The following ASAP1 variants were observed in gnomAD, a reference collection of about 807,000 sequenced individuals.
The protein encoded by ASAP1 is ArfGAP with SH3 domain, ankyrin repeat and PH domain 1, also known as arf-GAP with SH3 domain, ANK repeat and PH domain-containing protein 1.
In ASAP1, 43 loss-of-function variants were observed where a neutral mutation model predicts 145.2. The ratio of observed to expected loss-of-function variants is 0.30; its 90% CI spans 0.23 to 0.38. ASAP1 has a LOEUF of 0.38. ASAP1 is among the 10% of genes least tolerant of loss of function. The probability of loss-of-function intolerance (pLI) is 1.00; values close to 1 mark genes in which losing one functional copy is unlikely to be tolerated. For missense variants in ASAP1, 1,018 were observed against 1,355.3 expected (o/e 0.75, Z 3.91); for synonymous variants, 546 against 515.5 (o/e 1.06, Z -0.80).
At chr8:130,262,258 G>A (rs1001199442) in intron 3 of ASAP1, among the ~76,000 whole-genome samples, 2 of 151,676 alleles carry the variant, frequency 1.3e-5, no homozygotes, top group African/African-American at 4.8e-5. Flanking sequence ...AGCCGGGCAC[G>A]GTGGCAGGAG....
At chr8:130,368,731 G>T (rs1290437817) in intron 2 of ASAP1, among the ~76,000 whole-genome samples, 1 of 152,216 alleles carries the variant, frequency 6.6e-6, no homozygotes, top group Non-Finnish European at 1.5e-5. Flanking sequence ...ACACATCAGA[G>T]AGCTGGCCTA....
intron 3 of ASAP1, among the ~76,000 whole-genome samples, chr8:130,328,734 C>A (rs1824498987): frequency 1.3e-5 from 2 of 152,030 alleles, no homozygotes; most frequent in South Asian, 4.1e-4. Context: ...AATCCTCCCA[C>A]CTCACAGCCT....
chr8:130,394,500 G>A lies in ASAP1; in HGVS notation c.59+7385C>T, dbSNP rs184535983. Among the ~76,000 whole-genome samples the A allele has an allele frequency of 3.7e-3, 564 of 152,190 alleles. 15 individuals are homozygous for A. Among genetic ancestry groups the A allele is most frequent in the South Asian group, 0.035 (169 of 4,814 alleles). ...AAACTTTATTAGCAATTTTAATGTC[G>A]TCCCGGTCCTGTGGTCCTGTGATCT... is the stretch of plus-strand genomic sequence containing the variant. On this transcript the variant is annotated intron_variant, in intron 2 of 29. Transcript: ENST00000518721.
At chr8:130,108,363 A>G (rs1265184151) in intron 24 of ASAP1, among the ~76,000 whole-genome samples, 3 of 152,252 alleles carry the variant, frequency 2.0e-5, no homozygotes, top group Admixed American at 1.3e-4. Flanking sequence ...TCACCTTTCT[A>G]AACGCTTAAA....
chr8:130,442,697 C>A (rs1290254861), intron 1 of ASAP1, among the ~76,000 whole-genome samples: 2 of 152,130 alleles, frequency 1.3e-5, no homozygotes, highest in African/African-American at 4.8e-5. Context: ...AGTTGACCAT[C>A]CTTCTCCCTG....
At chr8:130,281,361 C>A (rs181211345) in intron 3 of ASAP1, among the ~76,000 whole-genome samples, 1 of 152,228 alleles carries the variant, frequency 6.6e-6, no homozygotes, top group Admixed American at 6.5e-5. Context: ...GACATCATTT[C>A]TTGATTTTGT....
In ASAP1 at chr8:130,368,057, G is replaced by GA. The variant is rs560628486; in HGVS notation, c.60-9915dup. Among the ~76,000 whole-genome samples the GA allele has an allele frequency of 5.3e-4, 79 of 149,098 alleles. 1 individual carries two copies. The South Asian group carries it at 7.4e-3, about 14-fold the overall frequency. On this transcript the variant is annotated intron_variant, in intron 2 of 29. Coordinates refer to ENST00000518721, the MANE Select transcript of ASAP1 (RefSeq NM_018482.4). ...GAATCACACTAGGGGCTCTAATTCA[G>GA]AAAAAAAAACAAGTCTCTACAATTG...
chr8:130,060,430 C>G, intron 28 of ASAP1, 149 bp downstream of exon 28: 2 of 1,150,980 alleles, frequency 1.7e-6, no homozygotes, highest in East Asian at 2.5e-5. Flanking sequence ...CCCACAGGCT[C>G]TAATCCACCA....
At chr8:130,365,442 G>A (rs144971165) in intron 2 of ASAP1, among the ~76,000 whole-genome samples, 2 of 152,136 alleles carry the variant, frequency 1.3e-5, no homozygotes, top group Admixed American at 6.5e-5. Flanking sequence ...AAAAAATCAT[G>A]GTGTTTTATG....
At chr8:130,060,393 G>A (rs2097416385) in intron 28 of ASAP1, among the ~76,000 whole-genome samples, 186 bp downstream of exon 28, 1 of 152,198 alleles carries the variant, frequency 6.6e-6, no homozygotes, top group African/African-American at 2.4e-5. Context: ...AAGCCTGTCT[G>A]CTGGAGCCTA....
chr8:130,264,327 A>C (rs575855657), intron 3 of ASAP1, among the ~76,000 whole-genome samples: 11 of 152,314 alleles, frequency 7.2e-5, no homozygotes, highest in African/African-American at 2.6e-4. Flanking sequence ...TGGGATCTAT[A>C]TAGGATCCTG....
intron 3 of ASAP1, among the ~76,000 whole-genome samples, chr8:130,346,349 ACT>A (rs1307567626): frequency 6.6e-6 from 1 of 152,244 alleles, no homozygotes; most frequent in African/African-American, 2.4e-5. Context: ...TATTTAATAC[ACT>A]GTCAGGAAGT....
At chr8:130,131,603 GAAAAAAAAAAAAA>G (rs1159191172) in intron 15 of ASAP1, among the ~76,000 whole-genome samples, 2 of 63,108 alleles carry the variant, frequency 3.2e-5, no homozygotes, top group Non-Finnish European at 5.6e-5. Context: ...CATGGCTACT[GAAAAAAAAAAAAA>G]AAAAAAAAAA....
At chr8:130,237,829 A>T (rs1818304001) in intron 3 of ASAP1, among the ~76,000 whole-genome samples, 1 of 152,130 alleles carries the variant, frequency 6.6e-6, no homozygotes, top group Admixed American at 6.6e-5. Flanking sequence ...TATACTTGGC[A>T]CACTGGACTA....
chr8:130,358,180 G>T lies in ASAP1; in HGVS notation c.60-37C>A, dbSNP rs752958140. 1 of 1,570,452 alleles carries T rather than the reference G, an allele frequency of 6.4e-7. No individual in the cohort carries two copies. Among genetic ancestry groups the T allele is most frequent in the South Asian group, 1.1e-5 (1 of 88,992 alleles). On this transcript the variant is annotated intron_variant, in intron 2 of 29. Coordinates refer to ENST00000518721, the MANE Select transcript of ASAP1 (RefSeq NM_018482.4). The surrounding 1 kb of genome is among the most constrained non-coding windows in gnomAD (Gnocchi z 4.1). ...GACGAGACACAAGCGGGGGCGGGGGGTGAGTCACGGCGCAGGCTCCCGGGG... is the reference window on the plus strand; with the variant it reads ...GACGAGACACAAGCGGGGGCGGGGGTTGAGTCACGGCGCAGGCTCCCGGGG...
intron 1 of ASAP1, among the ~76,000 whole-genome samples, chr8:130,420,864 G>C (rs952259204): frequency 3.3e-5 from 5 of 150,352 alleles, no homozygotes; most frequent in African/African-American, 4.9e-5. Context: ...CTGCACTCCA[G>C]CCTGGGCAAA....
chr8:130,131,766 CCAGCATGTGTGA>C (rs1348587672), intron 15 of ASAP1, among the ~76,000 whole-genome samples: 1 of 152,176 alleles, frequency 6.6e-6, no homozygotes, highest in African/African-American at 2.4e-5. Flanking sequence ...CCACTGCACT[CCAGCATGTGTGA>C]CAGAGTGAGA....
chr8:130,133,214 G>T (rs1482488681), intron 15 of ASAP1, among the ~76,000 whole-genome samples: 1 of 152,018 alleles, frequency 6.6e-6, no homozygotes, highest in Admixed American at 6.6e-5. Context: ...AAGCAGCTGA[G>T]ATTTATAATA....
At chr8:130,287,808 T>C (rs1821708474) in intron 3 of ASAP1, among the ~76,000 whole-genome samples, 1 of 152,206 alleles carries the variant, frequency 6.6e-6, no homozygotes, top group African/African-American at 2.4e-5. Flanking sequence ...GGGCTGTGTT[T>C]GGGTTTTGTC....
Sources: allele counts gnomAD v4.1 joint callset (sites outside exome capture counted in the v4.1 genomes callset), GRCh38; gene constraint gnomAD v4.1.1; non-coding constraint Gnocchi (gnomAD v3.1); transcripts MANE v1.5; gene names NCBI Gene and HGNC (gene_info 2026-07-23, HGNC 2026-07-21).